Variants in LMBR1 observed in about 807,000 individuals in gnomAD.
LMBR1 encodes the protein limb region 1 protein homolog.
Under a neutral mutation model 73.9 loss-of-function variants are expected in LMBR1, and 52 were observed. The ratio of observed to expected loss-of-function variants is 0.70; its 90% CI spans 0.56 to 0.89. The LOEUF (loss-of-function observed/expected upper bound fraction) is 0.89. LMBR1 is among the 40% of genes least tolerant of loss of function. The pLI is 0.00. For missense variants in LMBR1, 539 were observed against 579.8 expected, an observed-to-expected ratio of 0.93 and a Z score of 0.72; for synonymous variants, 215 against 209.4, an observed-to-expected ratio of 1.03 and a Z score of -0.23.
intron 5 of LMBR1, among the ~76,000 whole-genome samples, chr7:156,766,612 AGAG>A (rs1312303900): frequency 6.6e-6 from 1 of 152,192 alleles, no homozygotes; most frequent in African/African-American, 2.4e-5. Flanking sequence ...TGGAAAAGAA[AGAG>A]GAGGGGCCCA....
chr7:156,727,490 T>G (rs1815996361), intron 12 of LMBR1, among the ~76,000 whole-genome samples: 1 of 152,146 alleles, frequency 6.6e-6, no homozygotes, highest in Admixed American at 6.5e-5. Flanking sequence ...GGTAGTTTCT[T>G]GTCTGTCTGT....
At chr7:156,802,069 G>A (rs984267120) in intron 4 of LMBR1, among the ~76,000 whole-genome samples, 3 of 151,504 alleles carry the variant, frequency 2.0e-5, no homozygotes, top group African/African-American at 4.9e-5. Flanking sequence ...CGCAATCTCC[G>A]CCTCCCGGGT....
intron 4 of LMBR1, among the ~76,000 whole-genome samples, chr7:156,803,580 T>C (rs1234410308): frequency 2.0e-5 from 3 of 152,168 alleles, no homozygotes; most frequent in African/African-American, 4.8e-5. Flanking sequence ...TGGAAGTCAG[T>C]GTGGCGATTC....
At chr7:156,756,347 T>C (rs775044735) in intron 9 of LMBR1, 46 bp downstream of exon 9, 1 of 930,784 alleles carries the variant, frequency 1.1e-6, no homozygotes, top group South Asian at 1.4e-5. Context: ...TTTTTGAAAT[T>C]AAAAAGATTT....
intron 5 of LMBR1, among the ~76,000 whole-genome samples, chr7:156,772,174 T>A (rs1334255506): frequency 6.6e-6 from 1 of 152,124 alleles, no homozygotes; most frequent in Non-Finnish European, 1.5e-5. Context: ...CTCAGAAGGC[T>A]GAGGCAGGAG....
intron 1 of LMBR1, among the ~76,000 whole-genome samples, chr7:156,861,846 A>G (rs1461185682): frequency 6.6e-6 from 1 of 152,076 alleles, no homozygotes; most frequent in African/African-American, 2.4e-5. Flanking sequence ...TCTCCTCTCC[A>G]TCTGAGACCA....
chr7:156,688,887 C>G (rs1241957925), intron 15 of LMBR1, among the ~76,000 whole-genome samples: 1 of 151,994 alleles, frequency 6.6e-6, no homozygotes, highest in Non-Finnish European at 1.5e-5. Context: ...AGAATAATGT[C>G]TTATACACAC....
At chr7:156,704,972 C>T (rs1372852276) in intron 15 of LMBR1, among the ~76,000 whole-genome samples, 1 of 151,886 alleles carries the variant, frequency 6.6e-6, no homozygotes, top group African/African-American at 2.4e-5. Context: ...ACCTAACGTA[C>T]AGATTCCTGA....
chr7:156,788,701 C>G (rs1828619945), intron 5 of LMBR1, among the ~76,000 whole-genome samples: 1 of 151,960 alleles, frequency 6.6e-6, no homozygotes, highest in African/African-American at 2.4e-5. Flanking sequence ...GGTATATTTA[C>G]AGAATGAAAC....
intron 4 of LMBR1, among the ~76,000 whole-genome samples, chr7:156,824,125 AC>A (rs1451404856): frequency 6.8e-6 from 1 of 146,740 alleles, no homozygotes; most frequent in African/African-American, 2.5e-5. Flanking sequence ...AACAACAACA[AC>A]AATATATATA....
At chr7:156,811,473 G>A (rs759778213) in intron 4 of LMBR1, among the ~76,000 whole-genome samples, 117 of 152,182 alleles carry the variant, frequency 7.7e-4, no homozygotes, top group Non-Finnish European at 1.2e-3. Flanking sequence ...AGCTGGGCAT[G>A]GTGGCACACG....
chr7:156,873,677 C>T (rs1287358982), intron 1 of LMBR1, among the ~76,000 whole-genome samples: 5 of 152,152 alleles, frequency 3.3e-5, no homozygotes, highest in Admixed American at 1.3e-4. Context: ...CAAGGCCCCA[C>T]CAGAGCAGCT....
At chr7:156,888,755 CA>C (rs907652549) in intron 1 of LMBR1, among the ~76,000 whole-genome samples, 1 of 151,650 alleles carries the variant, frequency 6.6e-6, no homozygotes, top group Non-Finnish European at 1.5e-5. Flanking sequence ...CCCATCTCTA[CA>C]AAAAATTAAA....
At chr7:156,732,567 G>T (rs1817051252) in intron 10 of LMBR1, among the ~76,000 whole-genome samples, 1 of 152,074 alleles carries the variant, frequency 6.6e-6, no homozygotes, top group African/African-American at 2.4e-5. Context: ...ACAACCCAGG[G>T]CTAAAGAAAG....
intron 1 of LMBR1, among the ~76,000 whole-genome samples, chr7:156,870,969 G>A (rs1444596690): frequency 2.0e-5 from 3 of 150,798 alleles, no homozygotes; most frequent in Admixed American, 2.0e-4. Context: ...GATTAGAGCA[G>A]AAATAAATAA....
intron 15 of LMBR1, among the ~76,000 whole-genome samples, chr7:156,701,516 A>C (rs1809688537): frequency 6.6e-6 from 1 of 152,238 alleles, no homozygotes; most frequent in Non-Finnish European, 1.5e-5. Flanking sequence ...AAAGAAGGTC[A>C]GGCACATGTA....
At chr7:156,750,569 C>G (rs549695975) in intron 9 of LMBR1, among the ~76,000 whole-genome samples, 7 of 152,286 alleles carry the variant, frequency 4.6e-5, no homozygotes, top group Admixed American at 4.6e-4. Flanking sequence ...CCTAAGAAAT[C>G]TCTCCAAGTG....
chr7:156,732,349 C>A (rs1344484953), intron 10 of LMBR1, among the ~76,000 whole-genome samples: 1 of 152,094 alleles, frequency 6.6e-6, no homozygotes, highest in East Asian at 1.9e-4. Flanking sequence ...AGGAGGAACA[C>A]AAGCTGAGCC....
chr7:156,720,773 T>C (rs567474606), intron 15 of LMBR1, among the ~76,000 whole-genome samples: 1 of 151,978 alleles, frequency 6.6e-6, no homozygotes, highest in African/African-American at 2.4e-5. Flanking sequence ...ATTTTCAATA[T>C]AGGGTTTGAA....
Sources: allele counts gnomAD v4.1 joint callset (sites outside exome capture counted in the v4.1 genomes callset), GRCh38; gene constraint gnomAD v4.1.1; transcripts MANE v1.5; gene names NCBI Gene and HGNC (gene_info 2026-07-23, HGNC 2026-07-21).